Variants in ZFR observed in about 807,000 individuals in gnomAD.
The protein encoded by ZFR is zinc finger RNA-binding protein.
In ZFR, 19 loss-of-function variants were observed where a neutral mutation model predicts 130.7. The ratio of observed to expected loss-of-function variants is 0.15; its 90% confidence interval spans 0.10 to 0.21. The LOEUF (loss-of-function observed/expected upper bound fraction) is 0.21. Among genes scored for constraint, ZFR ranks in the 10% least tolerant of loss-of-function variants. ZFR has a pLI of 1.00. For synonymous variants in ZFR, 466 were observed against 456.9 expected, an observed-to-expected ratio of 1.02 and a Z score of -0.25; for missense variants, 872 against 1,321.5, an observed-to-expected ratio of 0.66 and a Z score of 5.27.
At chr5:32,426,905 A>AAAG (rs1754086927) in intron 2 of ZFR, among the ~76,000 whole-genome samples, 2 of 1,488 alleles carry the variant, frequency 1.3e-3, no homozygotes, top group African/African-American at 6.1e-3. Flanking sequence ...ACTCTTTCTG[A>AAAG]AAAAAAAAAA....
chr5:32,397,849 CTTTTTTTT>C lies in ZFR; in HGVS notation c.1714-519_1714-512del, dbSNP rs70961626. 1.2e-4 allele frequency among the ~76,000 whole-genome samples: 8 copies of C among 66,878 alleles called. No individual in the cohort carries two copies. The East Asian group carries it at 1.7e-3, about 14-fold the overall frequency. 43.9% of individuals were successfully genotyped at this position (66,878 alleles called of 152,430 possible). A position where few individuals can be genotyped will look rare whatever the true frequency, so the allele number is the denominator to read the frequency against. On this transcript the variant is annotated intron_variant, in intron 9 of 19. Transcript: ENST00000265069. ...TGATAGCATGTGTTTGCTCTTGTATCTTTTTTTTTTTTTTTTTTTTTTTTTTGAGATGG... is the reference window on the plus strand; with the variant it reads ...TGATAGCATGTGTTTGCTCTTGTATCTTTTTTTTTTTTTTTTTTGAGATGG...
At chr5:32,418,259 C>A (rs1753876742) in intron 3 of ZFR, among the ~76,000 whole-genome samples, 3 of 131,980 alleles carry the variant, frequency 2.3e-5, no homozygotes, top group Non-Finnish European at 1.6e-5. Context: ...GATTCTGCCT[C>A]AAAAAAAAAA....
intron 19 of ZFR, among the ~76,000 whole-genome samples, chr5:32,356,959 C>T (rs954956042): frequency 6.6e-6 from 1 of 152,092 alleles, no homozygotes; most frequent in Admixed American, 6.5e-5. Context: ...AATATTCTCA[C>T]AAGTATGATG....
At chr5:32,407,906 CCAGA>C (rs1753611154) in intron 5 of ZFR, among the ~76,000 whole-genome samples, 1 of 152,028 alleles carries the variant, frequency 6.6e-6, no homozygotes, top group African/African-American at 2.4e-5. Flanking sequence ...GTTGCCTAGG[CCAGA>C]CACAGACACA....
At chr5:32,379,454 G>A in intron 16 of ZFR, 1 of 445,866 alleles carries the variant, frequency 2.2e-6, no homozygotes, top group South Asian at 2.4e-5. Flanking sequence ...TTGATCCCCT[G>A]TGAACCTTGA....
chr5:32,435,293 T>A (rs555625501), intron 2 of ZFR, among the ~76,000 whole-genome samples: 5 of 152,336 alleles, frequency 3.3e-5, no homozygotes, highest in Middle Eastern at 3.4e-3. Flanking sequence ...AAGGTATGAA[T>A]ATTCACACTG....
At chr5:32,368,263 G>A (rs374660364) in intron 17 of ZFR, among the ~76,000 whole-genome samples, 3 of 152,214 alleles carry the variant, frequency 2.0e-5, no homozygotes, top group Middle Eastern at 3.4e-3. Context: ...AACAAGAGAC[G>A]GAGTTTCACT....
chr5:32,415,204 A>G lies in ZFR; in HGVS notation c.566-17T>C. On this transcript the variant is annotated splice_polypyrimidine_tract_variant and intron_variant, in intron 4 of 19. Coordinates refer to ENST00000265069, the MANE Select transcript of ZFR (RefSeq NM_016107.5). ...CTTTGGGGGCTGAAGTAGGAAAGAG[A>G]CATCAGAAAATTAGAAGAGTAAGCC... 1.2e-6 allele frequency: 2 copies of G among 1,610,776 alleles called. No individual in the cohort carries two copies. Among genetic ancestry groups the G allele is most frequent in the South Asian group, 1.1e-5 (1 of 90,802 alleles).
chr5:32,441,953 C>A (rs1218731300), intron 2 of ZFR, among the ~76,000 whole-genome samples: 5 of 150,302 alleles, frequency 3.3e-5, no homozygotes, highest in Non-Finnish European at 1.5e-5. Context: ...GTTTCAAGGC[C>A]AAAAAAAAAA....
At chr5:32,381,181 T>C (rs1483688852) in intron 15 of ZFR, among the ~76,000 whole-genome samples, 1 of 152,146 alleles carries the variant, frequency 6.6e-6, no homozygotes, top group Non-Finnish European at 1.5e-5. Flanking sequence ...GTCTTTAAGC[T>C]GATTAAAACA....
chr5:32,355,853 G>A lies in ZFR; in HGVS notation c.3132C>T (p.Ile1044=). 2 of 1,611,556 alleles carry A rather than the reference G, an allele frequency of 1.2e-6. No homozygotes were observed. The highest frequency in any genetic ancestry group is 1.7e-6 in the Non-Finnish European group (2 of 1,179,178). The change falls in exon 20 of 20, where the codon ATC becomes ATT. Residue 1044 remains isoleucine (I), a synonymous_variant. Coordinates refer to ENST00000265069, the MANE Select transcript of ZFR (RefSeq NM_016107.5). ...CTCTTCTTCGTTTCCTGTTGTTGTGGATGTTAAAACGTTGGCTCATTTGCG... is the reference window on the plus strand; with the variant it reads ...CTCTTCTTCGTTTCCTGTTGTTGTGAATGTTAAAACGTTGGCTCATTTGCG... ...PLPQMSQRFN[I]HNNRKRRRDS...
At chr5:32,440,652 C>CA (rs1249023752) in intron 2 of ZFR, among the ~76,000 whole-genome samples, 1,778 of 108,862 alleles carry the variant, frequency 0.016, 42 homozygotes, top group African/African-American at 0.052. Context: ...GTCTCAAAAA[C>CA]AAAAAAAAAA....
At chr5:32,434,755 G>A (rs2111862227) in intron 2 of ZFR, among the ~76,000 whole-genome samples, 1 of 152,214 alleles carries the variant, frequency 6.6e-6, no homozygotes, top group Middle Eastern at 3.4e-3. Flanking sequence ...GAAAAATAAG[G>A]GAAATGTTTT....
At chr5:32,441,812 T>C (rs891196895) in intron 2 of ZFR, among the ~76,000 whole-genome samples, 3 of 152,236 alleles carry the variant, frequency 2.0e-5, no homozygotes, top group African/African-American at 4.8e-5. Context: ...TATGTTTATA[T>C]ACAAGGCCTT....
At chr5:32,363,921 G>C (rs1347015978) in intron 19 of ZFR, 27 bp downstream of exon 19, 1 of 1,593,424 alleles carries the variant, frequency 6.3e-7, no homozygotes, top group South Asian at 1.1e-5. Flanking sequence ...TAACCCAATA[G>C]GGCTCTGAAT....
At chr5:32,425,902 A>G (rs1357798077) in intron 2 of ZFR, among the ~76,000 whole-genome samples, 1 of 152,252 alleles carries the variant, frequency 6.6e-6, no homozygotes, top group Non-Finnish European at 1.5e-5. Context: ...GAAGTGCTAC[A>G]GGAATCCTGA....
intron 4 of ZFR, 22 bp downstream of exon 4, chr5:32,417,626 T>G: frequency 6.2e-7 from 1 of 1,609,920 alleles, no homozygotes; most frequent in South Asian, 1.1e-5. Flanking sequence ...ACAAAGAAAC[T>G]CTGTAGGTTA....
intron 5 of ZFR, among the ~76,000 whole-genome samples, chr5:32,408,120 G>C (rs775151676): frequency 6.6e-6 from 1 of 152,016 alleles, no homozygotes; most frequent in African/African-American, 2.4e-5. Context: ...CTATGTGCAA[G>C]TAGAGATTAT....
In ZFR at chr5:32,364,286, A is replaced by C. The variant is rs1287259391; in HGVS notation, c.2836-11T>G. ...TAGTAACTCCATAGCCTAAAAATAC[A>C]ACATAAAAATGTGTTTAACAGCTTA... is the stretch of plus-strand genomic sequence containing the variant. On this transcript the variant is annotated splice_polypyrimidine_tract_variant and intron_variant, in intron 17 of 19. Transcript: ENST00000265069. The C allele has an allele frequency of 1.3e-6, 2 of 1,566,282 alleles. No homozygotes were observed. The highest frequency in any genetic ancestry group is 2.4e-5 in the South Asian group (2 of 84,162).
Sources: gnomAD v4.1 joint callset for allele counts (sites outside exome capture counted in the v4.1 genomes callset) on GRCh38, gnomAD v4.1.1 for gene constraint, MANE v1.5 for transcripts, NCBI Gene and HGNC (gene_info 2026-07-23, HGNC 2026-07-21) for gene names.